DBNDD1: variants seen among roughly 807,000 people sequenced by gnomAD.
DBNDD1 encodes the protein dysbindin domain-containing protein 1.
A neutral mutation model predicts 17.0 loss-of-function variants in DBNDD1; 14 were observed. That is an observed-to-expected ratio of 0.82 (90% confidence interval 0.54 to 1.29). The LOEUF (loss-of-function observed/expected upper bound fraction) is 1.29. Ranked by LOEUF, DBNDD1 falls within the 50% of genes most tolerant of loss-of-function variation. The probability of loss-of-function intolerance (pLI) is 0.00; values close to 1 mark genes in which losing one functional copy is unlikely to be tolerated. For missense variants in DBNDD1, 221 were observed against 216.2 expected, an observed-to-expected ratio of 1.02 and a Z score of -0.14; for synonymous variants, 105 against 102.0, an observed-to-expected ratio of 1.03 and a Z score of -0.18.
chr16:90,009,172 G>T, intron 2 of DBNDD1, 112 bp downstream of exon 2: 1 of 1,472,814 alleles, frequency 6.8e-7, no homozygotes, highest in Non-Finnish European at 9.0e-7. Context: ...ACACAGCGCC[G>T]GACCTAGACC....
intron 1 of DBNDD1, among the ~76,000 whole-genome samples, chr16:90,016,240 A>G (rs931755821): frequency 7.2e-5 from 11 of 152,214 alleles, no homozygotes; most frequent in African/African-American, 2.4e-4. Flanking sequence ...GTAGGTGCGC[A>G]GTAAACAAAT....
Position 90,013,160 on chromosome 16 carries a change from C to T in DBNDD1, c.32-3730G>A, listed in dbSNP as rs555656904. Among the ~76,000 whole-genome samples the T allele has an allele frequency of 2.0e-5, 3 of 149,676 alleles. No individual in the cohort carries two copies. In the East Asian group the frequency reaches 5.9e-4, roughly 29 times the overall value. On this transcript the variant is annotated intron_variant, in intron 1 of 3. Coordinates refer to ENST00000002501, the MANE Select transcript of DBNDD1 (RefSeq NM_001042610.3). ...GGTGCACACCTGTGTGGCAGCTACT[C>T]GGGAAGCTGAGGCAGGAGGTCCGCC...
upstream of DBNDD1, chr16:90,019,621 C>T (rs1243176393): frequency 1.0e-5 from 4 of 392,320 alleles, no homozygotes; most frequent in Admixed American, 9.2e-5. The surrounding 1 kb of genome is among the most constrained non-coding windows in gnomAD (Gnocchi z 6.1). Flanking sequence ...GCGGACCCCT[C>T]CCCCGCCGAC....
intron 1 of DBNDD1, among the ~76,000 whole-genome samples, chr16:90,010,809 C>G (rs559184087): frequency 1.8e-4 from 28 of 152,354 alleles, no homozygotes; most frequent in Admixed American, 7.8e-4. Flanking sequence ...GCGGCCACCT[C>G]ACTTGCCTCA....
chr16:90,006,326 GGA>G lies in DBNDD1; in HGVS notation c.*7_*8del. ...CATCCCTGCAGGAGCTGGGGCAGGT[GGA>G]GATGGTCTAGTCCTCCTGGGGCCTC... On this transcript the variant is annotated 3_prime_UTR_variant, in exon 4 of 4. Transcript: ENST00000002501. 1 of 1,599,832 alleles carries G rather than the reference GGA, an allele frequency of 6.3e-7. No individual in the cohort carries two copies. The highest frequency in any genetic ancestry group is 1.3e-5 in the African/African-American group (1 of 74,908).
At position 90,015,251 on chromosome 16, in the gene DBNDD1, G is replaced by T. The variant is rs548029958; in HGVS notation, c.31+4060C>A. Among the ~76,000 whole-genome samples, 4 of 152,120 alleles carry T rather than the reference G, an allele frequency of 2.6e-5. No homozygotes were observed. The East Asian group carries it at 7.7e-4, about 29-fold the overall frequency. On this transcript the variant is annotated intron_variant, in intron 1 of 3. Transcript: ENST00000002501. ...GATGCAGCTTCTGCCATCAGGACAC[G>T]AATTTTTTGGCCAGAAGAATGTGAT...
intron 2 of DBNDD1, 80 bp from the exon 3 acceptor site, chr16:90,009,004 T>G (rs2241084): frequency 6.9e-7 from 1 of 1,449,074 alleles, no homozygotes; most frequent in Non-Finnish European, 9.1e-7. Context: ...GGAGAGAGTG[T>G]GCTGTGTCCT....
Position 90,009,648 on chromosome 16 carries a change from C to G in DBNDD1, c.32-218G>C, listed in dbSNP as rs1191221013. 2.4e-5 allele frequency: 16 copies of G among 676,598 alleles called. No homozygotes were observed. In the South Asian group the frequency reaches 3.1e-4, roughly 13 times the overall value. 41.9% of individuals were successfully genotyped at this position (676,598 alleles called of 1,614,324 possible). On this transcript the variant is annotated intron_variant, in intron 1 of 3. Transcript: ENST00000002501. ...CTGCTCCTTCCCCTTGGGCCCTGGC[C>G]TCCCCTAGTGAACAAGGAATCTGAG...
At chr16:90,017,037 A>T (rs2035652483) in intron 1 of DBNDD1, among the ~76,000 whole-genome samples, 1 of 152,100 alleles carries the variant, frequency 6.6e-6, no homozygotes. Flanking sequence ...ACCCTTGGGC[A>T]GACTGAGTTG....
intron 1 of DBNDD1, chr16:90,011,620 G>A (rs1260843194): frequency 2.2e-6 from 1 of 454,352 alleles, no homozygotes; most frequent in Non-Finnish European, 4.4e-6. Flanking sequence ...GTCATGGCAT[G>A]GCCCGTTTCA....
At chr16:90,014,539 A>G (rs79432600) in intron 1 of DBNDD1, among the ~76,000 whole-genome samples, 10,467 of 152,224 alleles carry the variant, frequency 0.069, 419 homozygotes, top group East Asian at 0.14. Flanking sequence ...TCAGCCAAAC[A>G]GCAATCCCCT....
intron 1 of DBNDD1, among the ~76,000 whole-genome samples, chr16:90,010,941 C>CT (rs1567834193): frequency 1.3e-5 from 2 of 152,238 alleles, no homozygotes; most frequent in African/African-American, 4.8e-5. Context: ...TCCTTCCCCC[C>CT]ACCCATTGCC....
At chr16:90,019,729 TGGC>T (rs1212176663), upstream of DBNDD1, 3 of 654,458 alleles carry the variant, frequency 4.6e-6, no homozygotes, top group African/African-American at 1.9e-5. The surrounding 1 kb of genome is among the most constrained non-coding windows in gnomAD (Gnocchi z 6.1). Flanking sequence ...CGCACTCACT[TGGC>T]GGCCGCGCCC....
intron 1 of DBNDD1, among the ~76,000 whole-genome samples, chr16:90,011,393 C>T (rs1425850544): frequency 6.6e-6 from 1 of 152,240 alleles, no homozygotes; most frequent in Non-Finnish European, 1.5e-5. Flanking sequence ...CCGCAGGTGC[C>T]CGGCCTCCTG....
chr16:90,014,375 T>G (rs2035604779), intron 1 of DBNDD1, among the ~76,000 whole-genome samples: 2 of 152,176 alleles, frequency 1.3e-5, no homozygotes, highest in African/African-American at 4.8e-5. Flanking sequence ...TCCGCCCGCC[T>G]TGGCCTCCCA....
Position 90,008,814 on chromosome 16 carries a change from C to T in DBNDD1, c.289G>A (p.Asp97Asn), listed in dbSNP as rs771577269. ...ELAEVFADSD[D>N]ENLNTESPAG... Reference sequence around the variant, plus strand: ...GGGGACTCGGTGTTGAGGTTCTCGTCGTCCGAGTCAGCAAAGACCTCGGCC... The same window carrying T: ...GGGGACTCGGTGTTGAGGTTCTCGTTGTCCGAGTCAGCAAAGACCTCGGCC... The change falls in exon 3 of 4, where the codon GAC becomes AAC. Residue 97 changes from aspartate to asparagine, a missense_variant. Coordinates refer to ENST00000002501, the MANE Select transcript of DBNDD1 (RefSeq NM_001042610.3). 12 of 1,603,246 alleles carry T rather than the reference C, an allele frequency of 7.5e-6. No homozygotes were observed. The highest frequency in any genetic ancestry group is 5.4e-5 in the African/African-American group (4 of 74,754).
At chr16:90,013,765 A>G (rs2035594373) in intron 1 of DBNDD1, among the ~76,000 whole-genome samples, 2 of 152,200 alleles carry the variant, frequency 1.3e-5, no homozygotes, top group Admixed American at 1.3e-4. Context: ...TTCTGGGGAC[A>G]TGGCATAGAC....
At chr16:90,013,733 A>C (rs1381747060) in intron 1 of DBNDD1, among the ~76,000 whole-genome samples, 3 of 152,146 alleles carry the variant, frequency 2.0e-5, no homozygotes, top group African/African-American at 7.2e-5. Context: ...TCACCCAACC[A>C]AGACTTCCGA....
chr16:90,010,893 G>A lies in DBNDD1; in HGVS notation c.32-1463C>T, dbSNP rs903809856. Reference sequence around the variant, plus strand: ...ATGCCCCCCTTTGGCCCTAGGCCCTGTGGGTCTATCTCTCAGGGAAGAGAC... The same window carrying A: ...ATGCCCCCCTTTGGCCCTAGGCCCTATGGGTCTATCTCTCAGGGAAGAGAC... On this transcript the variant is annotated intron_variant, in intron 1 of 3. Transcript: ENST00000002501. 2.0e-5 allele frequency among the ~76,000 whole-genome samples: 3 copies of A among 152,230 alleles called. No individual in the cohort carries two copies. The East Asian group carries it at 5.8e-4, about 29-fold the overall frequency.
Sources: gnomAD v4.1 joint callset for allele counts (sites outside exome capture counted in the v4.1 genomes callset) on GRCh38, gnomAD v4.1.1 for gene constraint, Gnocchi (gnomAD v3.1) non-coding constraint, MANE v1.5 for transcripts, NCBI Gene and HGNC (gene_info 2026-07-23, HGNC 2026-07-21) for gene names.